The following PRKCE variants were observed in gnomAD, a reference collection of about 807,000 sequenced individuals.
PRKCE encodes the protein protein kinase C epsilon type.
A neutral mutation model predicts 85.4 loss-of-function variants in PRKCE; 16 were observed. The observed-to-expected ratio is 0.19, with a 90% confidence interval of 0.13 to 0.28. PRKCE has a LOEUF of 0.28. PRKCE is among the 10% of genes least tolerant of loss of function. The pLI is 1.00. For synonymous variants in PRKCE, 388 were observed against 371.5 expected (o/e 1.04, Z -0.51); for missense variants, 573 against 975.2 (o/e 0.59, Z 5.49).
chr2:45,918,093 G>A (rs908868044), intron 2 of PRKCE, among the ~76,000 whole-genome samples: 8 of 152,252 alleles, frequency 5.3e-5, no homozygotes, highest in African/African-American at 1.2e-4. Flanking sequence ...AGCCGGCTCC[G>A]GCCTTGGCCA....
At chr2:46,047,923 A>G (rs1708624940) in intron 10 of PRKCE, among the ~76,000 whole-genome samples, 1 of 152,236 alleles carries the variant, frequency 6.6e-6, no homozygotes, top group Non-Finnish European at 1.5e-5. Flanking sequence ...TTAAAATGCA[A>G]TTCTCCCTTG....
At chr2:45,698,875 T>C (rs1209218653) in intron 1 of PRKCE, among the ~76,000 whole-genome samples, 1 of 151,568 alleles carries the variant, frequency 6.6e-6, no homozygotes, top group Non-Finnish European at 1.5e-5. Context: ...GTACATGTGG[T>C]TACCCTCCCT....
At chr2:45,996,356 C>A (rs1277258173) in intron 6 of PRKCE, among the ~76,000 whole-genome samples, 1 of 151,992 alleles carries the variant, frequency 6.6e-6, no homozygotes, top group Non-Finnish European at 1.5e-5. Context: ...CTTTTTATTT[C>A]TTTTTCTTGT....
At chr2:45,843,967 C>G (rs779769953) in intron 2 of PRKCE, among the ~76,000 whole-genome samples, 56 of 152,198 alleles carry the variant, frequency 3.7e-4, no homozygotes, top group South Asian at 1.2e-3. Context: ...AAAATGGACA[C>G]TCAGCTCTCT....
chr2:45,931,042 T>A (rs1315543555), intron 2 of PRKCE, among the ~76,000 whole-genome samples: 1 of 152,230 alleles, frequency 6.6e-6, no homozygotes, highest in Non-Finnish European at 1.5e-5. Context: ...GTAAGGTCAC[T>A]ACTGTCCCCA....
chr2:45,762,321 C>G (rs1049797472), intron 1 of PRKCE, among the ~76,000 whole-genome samples: 2 of 152,186 alleles, frequency 1.3e-5, no homozygotes, highest in Non-Finnish European at 2.9e-5. Flanking sequence ...GCTGGGAAAA[C>G]TGGTGACCAA....
chr2:45,963,652 C>T (rs766729351), intron 2 of PRKCE, among the ~76,000 whole-genome samples: 14 of 152,174 alleles, frequency 9.2e-5, no homozygotes, highest in African/African-American at 3.4e-4. Context: ...TTTCCTTTGC[C>T]TTACCATTCT....
intron 7 of PRKCE, among the ~76,000 whole-genome samples, chr2:46,003,475 A>T (rs911467790): frequency 1.3e-5 from 2 of 152,262 alleles, no homozygotes; most frequent in Admixed American, 1.3e-4. Flanking sequence ...GAAAATATTT[A>T]TTGAGCATCT....
chr2:46,022,387 C>G (rs527849189), intron 10 of PRKCE, among the ~76,000 whole-genome samples: 9 of 152,318 alleles, frequency 5.9e-5, no homozygotes, highest in African/African-American at 2.2e-4. Context: ...TTACCTGTTG[C>G]TAATGCATGA....
intron 11 of PRKCE, among the ~76,000 whole-genome samples, chr2:46,094,411 AAG>A (rs1670476833): frequency 6.6e-6 from 1 of 152,216 alleles, no homozygotes; most frequent in Non-Finnish European, 1.5e-5. Context: ...AGACTTGATA[AAG>A]AGTTTGACTG....
intron 1 of PRKCE, among the ~76,000 whole-genome samples, chr2:45,831,715 G>A (rs915203462): frequency 2.6e-5 from 4 of 152,076 alleles, no homozygotes; most frequent in Non-Finnish European, 2.9e-5. Context: ...ATTTAGGGAC[G>A]CAGCAGTGAC....
At chr2:45,880,904 A>G (rs1403966976) in intron 2 of PRKCE, among the ~76,000 whole-genome samples, 4 of 152,134 alleles carry the variant, frequency 2.6e-5, no homozygotes, top group Non-Finnish European at 4.4e-5. Flanking sequence ...CTGTAATCCC[A>G]GCACTTTGGG....
intron 1 of PRKCE, among the ~76,000 whole-genome samples, chr2:45,788,571 T>C (rs1686796335): frequency 6.6e-6 from 1 of 150,456 alleles, no homozygotes; most frequent in South Asian, 2.1e-4. Context: ...TACCCCTCCA[T>C]TGCCTCTAAT....
intron 2 of PRKCE, among the ~76,000 whole-genome samples, chr2:45,877,724 T>C (rs944706629): frequency 2.7e-5 from 4 of 145,996 alleles, no homozygotes; most frequent in East Asian, 2.2e-4. Flanking sequence ...GTTGTTCTTA[T>C]GGTTTTCAGC....
chr2:46,011,180 G>C (rs1273008458), intron 10 of PRKCE, among the ~76,000 whole-genome samples: 1 of 152,302 alleles, frequency 6.6e-6, no homozygotes, highest in South Asian at 2.1e-4. Context: ...TTTTTGAGGG[G>C]TTGGGAGGAG....
At chr2:45,868,209 C>T (rs62127221) in intron 2 of PRKCE, among the ~76,000 whole-genome samples, 9,639 of 131,376 alleles carry the variant, frequency 0.073, 415 homozygotes, top group South Asian at 0.21. Flanking sequence ...GGGGGTGTAA[C>T]GGAGCTTTTT....
chr2:45,878,335 C>T (rs1323480760), intron 2 of PRKCE, among the ~76,000 whole-genome samples: 1 of 152,202 alleles, frequency 6.6e-6, no homozygotes, highest in East Asian at 1.9e-4. Flanking sequence ...CCACAGCCAC[C>T]TTATAACAAG....
At chr2:45,735,989 G>C (rs115028995) in intron 1 of PRKCE, among the ~76,000 whole-genome samples, 610 of 152,146 alleles carry the variant, frequency 4.0e-3, no homozygotes, top group African/African-American at 0.014. Flanking sequence ...TTGAGAGAGA[G>C]TCTCACCGTC....
rs139703064 is a variant in PRKCE at position 45,839,201 on chromosome 2, C to T, written c.349-3799C>T. Among the ~76,000 whole-genome samples, 27 of 152,048 alleles carry T rather than the reference C, an allele frequency of 1.8e-4. No individual in the cohort carries two copies. The East Asian group carries it at 4.3e-3, about 24-fold the overall frequency. On this transcript the variant is annotated intron_variant, in intron 1 of 14. Transcript: ENST00000306156. The stretch of plus-strand genomic sequence containing the variant: ...TGTATGTTTCATGGAATTTTCATGA[C>T]AACCCATTTCACGGATGAAGAGGCT...
Sources: gnomAD v4.1 joint callset for allele counts (sites outside exome capture counted in the v4.1 genomes callset) on GRCh38, gnomAD v4.1.1 for gene constraint, MANE v1.5 for transcripts, NCBI Gene and HGNC (gene_info 2026-07-23, HGNC 2026-07-21) for gene names.